The following RNF166 variants were observed in gnomAD, a reference collection of about 807,000 sequenced individuals.
RNF166 encodes E3 ubiquitin-protein ligase RNF166.
Under a neutral mutation model 29.4 loss-of-function variants are expected in RNF166, and 19 were observed. The ratio of observed to expected loss-of-function variants is 0.65; its 90% CI spans 0.45 to 0.95. The LOEUF is 0.95. Ranked by LOEUF, RNF166 falls within the 40% of genes least tolerant of loss-of-function variation. The pLI is 0.00. For missense variants in RNF166, 347 were observed against 322.1 expected, an observed-to-expected ratio of 1.08 and a Z score of -0.59; for synonymous variants, 171 against 134.5, an observed-to-expected ratio of 1.27 and a Z score of -1.88.
Position 88,701,279 on chromosome 16 carries a change from G to A in RNF166, c.295C>T (p.Arg99Ter), listed in dbSNP as rs754008108. 3.7e-6 allele frequency: 6 copies of A among 1,613,610 alleles called. No individual in the cohort carries two copies. The highest frequency in any genetic ancestry group is 1.3e-5 in the African/African-American group (1 of 74,928). ...GCGGGTACCTTTTTGTTGCAGCCTCGACAGGGCGCTTTGTAGGATGAGAGC... is the reference window on the plus strand; with the variant it reads ...GCGGGTACCTTTTTGTTGCAGCCTCAACAGGGCGCTTTGTAGGATGAGAGC... The part of the protein sequence containing the change: ...KQLSSYKAPC[R>*]GCNKKVTLAK... Residue 99 changes from arginine to a stop codon, truncating the protein, a stop_gained, in exon 2 of 6, where the codon CGA becomes TGA. Transcript: ENST00000312838. LOFTEE classifies it high-confidence loss of function.
At chr16:88,701,647 G>A (rs1910245705) in intron 1 of RNF166, 1 of 491,424 alleles carries the variant, frequency 2.0e-6, no homozygotes, top group Admixed American at 3.8e-5. Context: ...GTAGGCCCCT[G>A]TGGTTTCTGG....
intron 1 of RNF166, chr16:88,702,858 G>A (rs902719868): frequency 1.0e-5 from 10 of 985,376 alleles, no homozygotes; most frequent in Non-Finnish European, 8.4e-6. Flanking sequence ...CGGGGGGGCC[G>A]CCTACTTCAC....
At chr16:88,700,890 G>C (rs1910146641) in intron 2 of RNF166, 2 of 1,128,588 alleles carry the variant, frequency 1.8e-6, no homozygotes, top group Non-Finnish European at 2.2e-6. Flanking sequence ...CGCGGCCCTT[G>C]TGACCTTGGA....
chr16:88,705,667 C>T lies in RNF166; in HGVS notation c.155+504G>A, dbSNP rs1041070083. On this transcript the variant is annotated intron_variant, in intron 1 of 5. Transcript: ENST00000312838. ...GTTCTCCTTCAAACAAAACTAAGAA[C>T]ATCAGACTCCAAACAAGCCCCTCTA... is the stretch of plus-strand genomic sequence containing the variant. Among the ~76,000 whole-genome samples the T allele has an allele frequency of 1.0e-4, 16 of 152,386 alleles. 1 individual carries two copies. In the South Asian group the frequency reaches 2.9e-3, roughly 28 times the overall value.
intron 2 of RNF166, chr16:88,699,983 G>C: frequency 2.7e-6 from 1 of 374,604 alleles, no homozygotes; most frequent in Non-Finnish European, 4.9e-6. Context: ...GAAGGGTAGC[G>C]GGAAACAGGT....
chr16:88,703,908 G>C, intron 1 of RNF166: 1 of 985,470 alleles, frequency 1.0e-6, no homozygotes, highest in Non-Finnish European at 1.2e-6. Flanking sequence ...TCCTGCACGA[G>C]TGGAGGCTGC....
intron 1 of RNF166, among the ~76,000 whole-genome samples, chr16:88,704,905 A>C (rs1450086600): frequency 1.3e-5 from 2 of 152,194 alleles, no homozygotes; most frequent in African/African-American, 4.8e-5. Flanking sequence ...CAGGAGGATC[A>C]CTTGAACCCA....
intron 1 of RNF166, among the ~76,000 whole-genome samples, chr16:88,704,761 G>A (rs770827976): frequency 6.6e-5 from 10 of 152,154 alleles, no homozygotes; most frequent in South Asian, 2.1e-4. Context: ...AGGCTGAGAC[G>A]GGCAGGTCAC....
chr16:88,700,503 C>G (rs1234233857), intron 2 of RNF166: 1 of 696,988 alleles, frequency 1.4e-6, no homozygotes, highest in Non-Finnish European at 1.8e-6. Flanking sequence ...CCCTGGACAT[C>G]TGGACCTTCG....
Position 88,706,191 on chromosome 16 carries a change from G to A in RNF166, c.135C>T (p.Ala45=), listed in dbSNP as rs1326185720. The change falls in exon 1 of 6, where the codon GCC becomes GCT. Residue 45 remains alanine, a synonymous_variant. Transcript: ENST00000312838. Reference sequence around the variant, plus strand: ...CTCACGTGTGGCCGCAGCTGCCGATGGCCACGGGCCGGTGATAGACCTCCA... The same window carrying A: ...CTCACGTGTGGCCGCAGCTGCCGATAGCCACGGGCCGGTGATAGACCTCCA... The part of the protein sequence containing the change: ...ICLEVYHRPV[A]IGSCGHTFCG... 3.0e-5 allele frequency: 39 copies of A among 1,289,494 alleles called. No individual in the cohort carries two copies. Among genetic ancestry groups the A allele is most frequent in the Non-Finnish European group, 3.7e-5 (37 of 1,013,438 alleles). 79.9% of individuals were successfully genotyped at this position (1,289,494 alleles called of 1,614,324 possible).
chr16:88,704,362 AC>A, intron 1 of RNF166: 1 of 985,426 alleles, frequency 1.0e-6, no homozygotes, highest in Non-Finnish European at 1.2e-6. Context: ...CTCTTGCAGG[AC>A]CCGCGGTGAG....
At position 88,698,542 on chromosome 16, in the gene RNF166, T is replaced by C; in HGVS notation, c.608A>G (p.His203Arg). 6.4e-7 allele frequency: 1 copy of C among 1,574,482 alleles called. No individual in the cohort carries two copies. The highest frequency in any genetic ancestry group is 8.6e-7 in the Non-Finnish European group (1 of 1,159,796). ...PSYKSANFLQ[H>R]LLHRHKFSYD... Reference sequence around the variant, plus strand: ...GGAGAACTTGTGTCGGTGAAGCAGGTGCTGCAGGAAGTTGGCGCTCTTGTA... The same window carrying C: ...GGAGAACTTGTGTCGGTGAAGCAGGCGCTGCAGGAAGTTGGCGCTCTTGTA... The change falls in exon 5 of 6, where the codon CAC becomes CGC. Residue 203 changes from histidine (H) to arginine (R), a missense_variant. By Grantham distance (29) the His-to-Arg change is conservative. Coordinates refer to ENST00000312838, the MANE Select transcript of RNF166 (RefSeq NM_178841.4).
chr16:88,699,871 C>T, intron 2 of RNF166, 139 bp from the exon 3 acceptor site: 1 of 588,534 alleles, frequency 1.7e-6, no homozygotes, highest in Non-Finnish European at 3.0e-6. Context: ...GACCCGGTCC[C>T]TTCTGCTGCT....
chr16:88,697,351 C>G lies in RNF166; in HGVS notation c.*217G>C. 2.2e-6 allele frequency: 1 copy of G among 462,786 alleles called. No individual in the cohort carries two copies. 28.7% of individuals were successfully genotyped at this position (462,786 alleles called of 1,614,324 possible). ...GCTCGGCCAGAAGCACCGAAGAACC[C>G]AGCGACGCCGGTGGGACCAGGCGGC... On this transcript the variant is annotated 3_prime_UTR_variant, in exon 6 of 6. Coordinates refer to ENST00000312838, the MANE Select transcript of RNF166 (RefSeq NM_178841.4).
intron 3 of RNF166, among the ~76,000 whole-genome samples, 173 bp from the exon 4 acceptor site, chr16:88,699,258 C>T (rs1157624407): frequency 6.6e-6 from 1 of 152,234 alleles, no homozygotes; most frequent in East Asian, 1.9e-4. Context: ...GAGGACACAC[C>T]CAGGACCCTC....
At position 88,697,415 on chromosome 16, in the gene RNF166, C is replaced by T. The variant is rs1043289157; in HGVS notation, c.*153G>A. The T allele has an allele frequency of 1.7e-6, 1 of 593,450 alleles. No individual in the cohort carries two copies. Among genetic ancestry groups the T allele is most frequent in the Non-Finnish European group, 3.0e-6 (1 of 333,978 alleles). The allele number at this position is 593,450 out of a possible 1,614,324, so 36.8% of individuals were successfully genotyped here. A position where few individuals can be genotyped will look rare whatever the true frequency, so the allele number is the denominator to read the frequency against. ...CCTCGGCGGCTGGCCCGTATTCAGG[C>T]CCGGAGGCTCGGCCCCGGCTCCCCT... On this transcript the variant is annotated 3_prime_UTR_variant, in exon 6 of 6. Coordinates refer to ENST00000312838, the MANE Select transcript of RNF166 (RefSeq NM_178841.4).
Position 88,706,242 on chromosome 16 carries a change from C to T in RNF166, c.84G>A (p.Glu28=), listed in dbSNP as rs1374612223. The part of the protein sequence containing the change: ...AGPAGGDSGL[E]AQYTCPICLE... ...GGCAGATGGGGCAGGTGTACTGCGC[C>T]TCCAGGCCGCTGTCGCCGCCCGCCG... Residue 28 remains glutamate (E), a synonymous_variant, in exon 1 of 6, where the codon GAG becomes GAA. Coordinates refer to ENST00000312838, the MANE Select transcript of RNF166 (RefSeq NM_178841.4). The T allele has an allele frequency of 5.3e-6, 7 of 1,311,504 alleles. No homozygotes were observed. In the African/African-American group the frequency reaches 6.3e-5, roughly 12 times the overall value. 81.2% of individuals were successfully genotyped at this position (1,311,504 alleles called of 1,614,324 possible).
chr16:88,702,313 C>T (rs535001386), intron 1 of RNF166, among the ~76,000 whole-genome samples: 39 of 152,292 alleles, frequency 2.6e-4, no homozygotes, highest in East Asian at 1.5e-3. Flanking sequence ...AGCTGAGCTG[C>T]GGCGAGGAGC....
At chr16:88,699,178 GCCCTC>G in intron 3 of RNF166, 93 bp from the exon 4 acceptor site, 12 of 914,800 alleles carry the variant, frequency 1.3e-5, no homozygotes, top group Non-Finnish European at 1.9e-5. Context: ...CCCCAGGCCT[GCCCTC>G]TGTAGGCTGC....
Sources: allele counts gnomAD v4.1 joint callset (sites outside exome capture counted in the v4.1 genomes callset), GRCh38; gene constraint gnomAD v4.1.1; transcripts MANE v1.5; gene names NCBI Gene and HGNC (gene_info 2026-07-23, HGNC 2026-07-21).